ADAM10: variants seen among roughly 807,000 people sequenced by gnomAD.
ADAM10 encodes the protein disintegrin and metalloproteinase domain-containing protein 10.
A neutral mutation model predicts 90.1 loss-of-function variants in ADAM10; 17 were observed. The ratio of observed to expected loss-of-function variants is 0.19; its 90% CI spans 0.13 to 0.28. The LOEUF (loss-of-function observed/expected upper bound fraction) is 0.28. ADAM10 is among the 10% of genes least tolerant of loss of function. The pLI, the probability that ADAM10 is intolerant of heterozygous loss-of-function variation, is 1.00. For missense variants in ADAM10, 610 were observed against 914.3 expected (o/e 0.67, Z 4.29); for synonymous variants, 310 against 298.6 (o/e 1.04, Z -0.40).
intron 1 of ADAM10, among the ~76,000 whole-genome samples, chr15:58,725,675 GA>G (rs1231193284): frequency 2.0e-5 from 3 of 151,676 alleles, no homozygotes; most frequent in African/African-American, 4.8e-5. Context: ...AAAGGAGCCA[GA>G]AAAAAAAGAC....
At chr15:58,685,545 AATATATATATATATAT>A (rs56776777) in intron 2 of ADAM10, among the ~76,000 whole-genome samples, 18,492 of 116,232 alleles carry the variant, frequency 0.16, 1,560 homozygotes, top group East Asian at 0.32. Context: ...TATGAAGGAG[AATATATATATATATAT>A]ATATATATAT....
At chr15:58,704,493 G>C (rs969682341) in intron 2 of ADAM10, among the ~76,000 whole-genome samples, 2 of 152,086 alleles carry the variant, frequency 1.3e-5, no homozygotes, top group Admixed American at 6.6e-5. Context: ...GGAAACCACA[G>C]GGCAAAAATC....
chr15:58,695,863 T>A (rs540071687), intron 2 of ADAM10, among the ~76,000 whole-genome samples: 60 of 152,132 alleles, frequency 3.9e-4, no homozygotes, highest in African/African-American at 1.4e-3. Flanking sequence ...ACAATTGTTA[T>A]CCCAGCACTT....
chr15:58,733,156 G>C (rs1183429600), intron 1 of ADAM10: 4 of 152,254 alleles, frequency 2.6e-5, no homozygotes, highest in African/African-American at 4.8e-5. Flanking sequence ...GTGCATGGCA[G>C]ATGTTGTCTC....
chr15:58,657,792 G>A (rs4775085), intron 5 of ADAM10, among the ~76,000 whole-genome samples: 4,555 of 151,972 alleles, frequency 0.03, 95 homozygotes, highest in Non-Finnish European at 0.048. Context: ...GAAGAGTTAC[G>A]TATTCACTGT....
rs572575104 is a variant in ADAM10 at position 58,672,020 on chromosome 15, A to G, written c.485-6823T>C. Among the ~76,000 whole-genome samples, 25 of 152,054 alleles carry G rather than the reference A, an allele frequency of 1.6e-4. No homozygotes were observed. The South Asian group carries it at 4.8e-3, about 29-fold the overall frequency. ...TAGAGTGTTGAATCTAGTGCCTTTT[A>G]CAATACTAAAATTATAAAATTCCTT... On this transcript the variant is annotated intron_variant, in intron 4 of 15. Coordinates refer to ENST00000260408, the MANE Select transcript of ADAM10 (RefSeq NM_001110.4).
chr15:58,714,807 G>A (rs1898602045), intron 2 of ADAM10, among the ~76,000 whole-genome samples: 1 of 151,968 alleles, frequency 6.6e-6, no homozygotes, highest in Non-Finnish European at 1.5e-5. Flanking sequence ...ATCCTGTTAG[G>A]AGGAGTTACA....
intron 6 of ADAM10, 124 bp downstream of exon 6, chr15:58,645,926 TATCAC>T (rs1467775029): frequency 7.3e-6 from 7 of 958,554 alleles, no homozygotes; most frequent in African/African-American, 1.6e-5. Context: ...TTACACATTT[TATCAC>T]ATCACAACTG....
chr15:58,733,879 T>C (rs914476302), intron 1 of ADAM10, among the ~76,000 whole-genome samples: 13 of 150,214 alleles, frequency 8.7e-5, no homozygotes, highest in Non-Finnish European at 1.5e-4. Context: ...CTGACTTTAA[T>C]AGAATATCTT....
At chr15:58,641,994 T>C (rs1443738165) in intron 7 of ADAM10, among the ~76,000 whole-genome samples, 1 of 152,190 alleles carries the variant, frequency 6.6e-6, no homozygotes, top group African/African-American at 2.4e-5. Context: ...ATCTGGTTTA[T>C]CTATTAACAA....
chr15:58,595,161 C>CACTGAAT lies in ADAM10; in HGVS notation c.*2379_*2385dup, dbSNP rs1566960749. The CACTGAAT allele has an allele frequency of 6.6e-6, 1 of 152,036 alleles. No individual in the cohort carries two copies. Among genetic ancestry groups the CACTGAAT allele is most frequent in the Admixed American group, 6.6e-5 (1 of 15,264 alleles). The allele number at this position is 152,036 out of a possible 1,614,324, so 9.4% of individuals were successfully genotyped here. On this transcript the variant is annotated 3_prime_UTR_variant, in exon 16 of 16. Coordinates refer to ENST00000260408, the MANE Select transcript of ADAM10 (RefSeq NM_001110.4). ...GACTCACCTCTTCCACCAAGACAAGCACTGAATATTGATTAGAAACAATGT... is the reference window on the plus strand; with the variant it reads ...GACTCACCTCTTCCACCAAGACAAGCACTGAATACTGAATATTGATTAGAAACAATGT...
intron 8 of ADAM10, among the ~76,000 whole-genome samples, chr15:58,635,291 A>C (rs1392662708): frequency 7.7e-6 from 1 of 130,000 alleles, no homozygotes; most frequent in Non-Finnish European, 1.6e-5. Flanking sequence ...AAAAAAAAAA[A>C]AAGAAAGAAA....
chr15:58,717,688 T>A lies in ADAM10; in HGVS notation c.95A>T (p.Tyr32Phe). Residue 32 changes from tyrosine to phenylalanine, a missense_variant, in exon 2 of 16, where the codon TAT (tyrosine) becomes TTT (phenylalanine). Around this residue, in one of 4 missense-constraint regions of ADAM10, gnomAD observed 310 missense variants for 362.4 expected, o/e 0.86. Coordinates refer to ENST00000260408, the MANE Select transcript of ADAM10 (RefSeq NM_001110.4). ...ATCCACATTGTAAGATAATCCTTCATAATGTCTGATATATTTATTTAAAGG... is the reference window on the plus strand; with the variant it reads ...ATCCACATTGTAAGATAATCCTTCAAAATGTCTGATATATTTATTTAAAGG... Reference protein sequence around the residue: ...GNPLNKYIRHYEGLSYNVDSL... With the variant: ...GNPLNKYIRHFEGLSYNVDSL... The A allele has an allele frequency of 6.2e-7, 1 of 1,613,508 alleles. No homozygotes were observed. Among genetic ancestry groups the A allele is most frequent in the Non-Finnish European group, 8.5e-7 (1 of 1,179,810 alleles).
chr15:58,615,082 G>A (rs1374849417), intron 11 of ADAM10, among the ~76,000 whole-genome samples: 1 of 152,088 alleles, frequency 6.6e-6, no homozygotes, highest in Non-Finnish European at 1.5e-5. Flanking sequence ...AAACCATCCT[G>A]GCTAACACAG....
rs1403551560 is a variant in ADAM10 at position 58,682,805 on chromosome 15, T to G, written c.207-491A>C. 2.0e-5 allele frequency among the ~76,000 whole-genome samples: 3 copies of G among 152,178 alleles called. No homozygotes were observed. In the East Asian group the frequency reaches 5.8e-4, roughly 29 times the overall value. Reference sequence around the variant, plus strand: ...AAAGACAAGTGTGTATGCTCTTTGTTTTACCCTGGGGCTTCTAATTCTTGC... The same window carrying G: ...AAAGACAAGTGTGTATGCTCTTTGTGTTACCCTGGGGCTTCTAATTCTTGC... On this transcript the variant is annotated intron_variant, in intron 2 of 15. Coordinates refer to ENST00000260408, the MANE Select transcript of ADAM10 (RefSeq NM_001110.4).
At chr15:58,663,707 T>G (rs1741495236) in intron 5 of ADAM10, among the ~76,000 whole-genome samples, 2 of 152,138 alleles carry the variant, frequency 1.3e-5, no homozygotes, top group African/African-American at 4.8e-5. Flanking sequence ...TCCATTCATT[T>G]AAAATCAATC....
intron 1 of ADAM10, among the ~76,000 whole-genome samples, chr15:58,728,884 A>G (rs1159830773): frequency 1.3e-5 from 2 of 152,216 alleles, no homozygotes; most frequent in African/African-American, 2.4e-5. Flanking sequence ...CTAATAGGAC[A>G]TAAGTAGTAA....
chr15:58,621,482 C>G lies in ADAM10; in HGVS notation c.1500G>C (p.Gly500=). 2 of 1,614,030 alleles carry G rather than the reference C, an allele frequency of 1.2e-6. No homozygotes were observed. Among genetic ancestry groups the G allele is most frequent in the Non-Finnish European group, 1.7e-6 (2 of 1,179,998 alleles). Residue 500 remains glycine (G), a synonymous_variant, in exon 11 of 16, where the codon GGG becomes GGC. Transcript: ENST00000260408. ...PEGRKCKLKP[G]KQCSPSQGPC... is the part of the protein sequence containing the mutation. ...AATTAGCAAGGTACCTGCACTGTTT[C>G]CCAGGTTTCAGTTTGCATTTTCTTC... is the stretch of plus-strand genomic sequence containing the variant.
intron 5 of ADAM10, among the ~76,000 whole-genome samples, chr15:58,658,385 T>C (rs1896883995): frequency 6.6e-6 from 1 of 152,226 alleles, no homozygotes; most frequent in Admixed American, 6.5e-5. Context: ...GATGACACTA[T>C]CTTGATTACT....
Sources: gnomAD v4.1 joint callset for allele counts (sites outside exome capture counted in the v4.1 genomes callset) on GRCh38, gnomAD v4.1.1 for gene constraint, gnomAD v4.1.1 regional missense constraint, MANE v1.5 for transcripts, NCBI Gene and HGNC (gene_info 2026-07-23, HGNC 2026-07-21) for gene names.